Variants in KIAA1328 observed in about 807,000 individuals in gnomAD.
KIAA1328 encodes protein hinderin.
KIAA1328 carries 52 observed loss-of-function variants against 68.1 expected under a neutral mutation model. The observed-to-expected ratio is 0.76, with a 90% CI of 0.61 to 0.96. The LOEUF (loss-of-function observed/expected upper bound fraction) is 0.96, where lower values mean the gene tolerates loss of function less well. KIAA1328 is among the 40% of genes least tolerant of loss of function. The pLI is 0.00. For missense variants in KIAA1328, 641 were observed against 677.6 expected (o/e 0.95, Z 0.60); for synonymous variants, 232 against 239.4 (o/e 0.97, Z 0.28).
Position 37,160,221 on chromosome 18 carries a change from T to G in KIAA1328, c.1254T>G (p.Asp418Glu). The G allele has an allele frequency of 1.2e-6, 2 of 1,612,824 alleles. No individual in the cohort carries two copies. Among genetic ancestry groups the G allele is most frequent in the Non-Finnish European group, 1.7e-6 (2 of 1,179,348 alleles). The stretch of plus-strand genomic sequence containing the variant: ...TCAGTTTATTGAAGTCAAACTGTGA[T>G]GGCTGGCTGCTTGGAACATCATCAT... ...DYNCLLKSNC[D>E]GWLLGTSSSI... Residue 418 changes from aspartate (D) to glutamate (E), a missense_variant, in exon 8 of 10, where the codon GAT (aspartate) becomes GAG (glutamate). Coordinates refer to ENST00000280020, the MANE Select transcript of KIAA1328 (RefSeq NM_020776.3).
intron 7 of KIAA1328, among the ~76,000 whole-genome samples, chr18:37,152,772 G>T (rs1361286145): frequency 1.3e-5 from 2 of 152,200 alleles, no homozygotes; most frequent in African/African-American, 4.8e-5. Flanking sequence ...TATTTAAGCA[G>T]TTAGAGAGGG....
chr18:36,830,113 C>T (rs776586340), intron 1 of KIAA1328, among the ~76,000 whole-genome samples: 1 of 152,150 alleles, frequency 6.6e-6, no homozygotes. Flanking sequence ...TTAATTGAGG[C>T]GTTGCTGTTA....
intron 9 of KIAA1328, among the ~76,000 whole-genome samples, chr18:37,218,263 T>C (rs985381865): frequency 1.3e-5 from 2 of 152,260 alleles, no homozygotes; most frequent in African/African-American, 4.8e-5. Context: ...TGTTGTTATC[T>C]CTTTGAGCAA....
At chr18:37,131,641 C>T (rs2058524287) in intron 7 of KIAA1328, among the ~76,000 whole-genome samples, 1 of 152,112 alleles carries the variant, frequency 6.6e-6, no homozygotes, top group South Asian at 2.1e-4. Flanking sequence ...CACAGCTCAA[C>T]AGATAACAGT....
chr18:36,967,374 T>C (rs2051984760), intron 6 of KIAA1328, among the ~76,000 whole-genome samples: 1 of 152,192 alleles, frequency 6.6e-6, no homozygotes, highest in African/African-American at 2.4e-5. Flanking sequence ...GGAATCAGTT[T>C]CCTCCTCAGA....
chr18:37,107,929 G>A (rs989616384), intron 7 of KIAA1328, among the ~76,000 whole-genome samples: 2 of 151,884 alleles, frequency 1.3e-5, no homozygotes, highest in African/African-American at 4.8e-5. Context: ...CACTGTTAGT[G>A]GGAATGTAAA....
chr18:37,188,299 C>G (rs766320345), intron 9 of KIAA1328, among the ~76,000 whole-genome samples: 1 of 152,186 alleles, frequency 6.6e-6, no homozygotes, highest in Non-Finnish European at 1.5e-5. Flanking sequence ...TAAAACTTCT[C>G]TCTAGACCAG....
intron 6 of KIAA1328, among the ~76,000 whole-genome samples, chr18:37,055,631 A>C (rs2055877739): frequency 6.6e-6 from 1 of 152,166 alleles, no homozygotes; most frequent in African/African-American, 2.4e-5. Flanking sequence ...AAAATGCATC[A>C]TGTCATTCTG....
chr18:36,959,431 A>G lies in KIAA1328; in HGVS notation c.572A>G (p.Gln191Arg). 6.2e-7 allele frequency: 1 copy of G among 1,607,926 alleles called. No individual in the cohort carries two copies. Among genetic ancestry groups the G allele is most frequent in the Non-Finnish European group, 8.5e-7 (1 of 1,177,946 alleles). Residue 191 changes from glutamine (Q) to arginine (R), a missense_variant, in exon 6 of 10, where the codon CAG becomes CGG. Coordinates refer to ENST00000280020, the MANE Select transcript of KIAA1328 (RefSeq NM_020776.3). Reference protein sequence around the residue: ...SELGAARMQEQQVSSRKSTLQ... With the variant: ...SELGAARMQERQVSSRKSTLQ... Reference sequence around the variant, plus strand: ...CTTGGTGCTGCTAGAATGCAGGAACAGCAGGTAAGCATCTTTAATTTTACT... The same window carrying G: ...CTTGGTGCTGCTAGAATGCAGGAACGGCAGGTAAGCATCTTTAATTTTACT...
intron 4 of KIAA1328, among the ~76,000 whole-genome samples, chr18:36,849,121 AC>A (rs753020015): frequency 7.9e-5 from 12 of 152,014 alleles, no homozygotes; most frequent in Non-Finnish European, 1.2e-4. Context: ...TTGTCGTGCA[AC>A]CAGTCTTCAG....
chr18:37,091,090 G>C (rs2057254384), intron 7 of KIAA1328, among the ~76,000 whole-genome samples: 1 of 152,140 alleles, frequency 6.6e-6, no homozygotes, highest in Non-Finnish European at 1.5e-5. Context: ...CAAATAATAA[G>C]TATATAAAAC....
At chr18:36,937,918 A>G (rs377139818) in intron 5 of KIAA1328, among the ~76,000 whole-genome samples, 2 of 152,204 alleles carry the variant, frequency 1.3e-5, no homozygotes, top group Admixed American at 6.5e-5. Flanking sequence ...AGTTTCATCT[A>G]TGTTGCTGCA....
intron 7 of KIAA1328, among the ~76,000 whole-genome samples, chr18:37,150,142 C>T (rs1419639058): frequency 6.6e-6 from 1 of 152,096 alleles, no homozygotes; most frequent in Non-Finnish European, 1.5e-5. Context: ...AAACTACACA[C>T]CCATCAAAAC....
intron 6 of KIAA1328, among the ~76,000 whole-genome samples, chr18:37,043,265 T>C (rs945000437): frequency 3.3e-5 from 5 of 151,906 alleles, no homozygotes; most frequent in African/African-American, 9.6e-5. Context: ...CCACTTTCTA[T>C]TGATTGGCTT....
intron 9 of KIAA1328, among the ~76,000 whole-genome samples, chr18:37,214,825 A>C (rs1479194983): frequency 3.3e-5 from 5 of 151,900 alleles, no homozygotes; most frequent in African/African-American, 9.7e-5. Flanking sequence ...TTTTTATTTC[A>C]TTGAGCAGTG....
chr18:37,148,472 G>C (rs2058955444), intron 7 of KIAA1328, among the ~76,000 whole-genome samples: 1 of 152,112 alleles, frequency 6.6e-6, no homozygotes, highest in Non-Finnish European at 1.5e-5. Context: ...TCAATGATTT[G>C]TATTCCTTTG....
chr18:37,167,176 G>A (rs1394994551), intron 8 of KIAA1328, among the ~76,000 whole-genome samples: 1 of 152,144 alleles, frequency 6.6e-6, no homozygotes, highest in East Asian at 1.9e-4. Flanking sequence ...CAGGTTGTGG[G>A]GCTCTGACCA....
At position 37,006,076 on chromosome 18, in the gene KIAA1328, C is replaced by T. The variant is rs1598952149; in HGVS notation, c.576+46641C>T. ...ATAGTTAACAAAAATGTATTGTAAT[C>T]AGGTGACAGATACCCTAAATACCCT... On this transcript the variant is annotated intron_variant, in intron 6 of 9. Transcript: ENST00000280020. 2.0e-5 allele frequency among the ~76,000 whole-genome samples: 3 copies of T among 151,862 alleles called. No individual in the cohort carries two copies. In the East Asian group the frequency reaches 5.8e-4, roughly 29 times the overall value.
intron 7 of KIAA1328, among the ~76,000 whole-genome samples, chr18:37,132,146 C>A (rs2058537864): frequency 3.3e-5 from 5 of 151,852 alleles, no homozygotes; most frequent in African/African-American, 1.2e-4. Flanking sequence ...TGCCTTCTAT[C>A]TATGTCCAAG....
Sources: allele counts gnomAD v4.1 joint callset (sites outside exome capture counted in the v4.1 genomes callset), GRCh38; gene constraint gnomAD v4.1.1; transcripts MANE v1.5; gene names NCBI Gene and HGNC (gene_info 2026-07-23, HGNC 2026-07-21).